NBEA: variants seen among roughly 807,000 people sequenced by gnomAD.
NBEA encodes the protein neurobeachin.
NBEA carries 44 observed loss-of-function variants against 343.4 expected under a neutral mutation model. The ratio of observed to expected loss-of-function variants is 0.13; its 90% CI spans 0.10 to 0.16. NBEA has a LOEUF of 0.16. NBEA is among the 10% of genes least tolerant of loss of function. The probability of loss-of-function intolerance (pLI) is 1.00; values close to 1 mark genes in which losing one functional copy is unlikely to be tolerated. For synonymous variants in NBEA, 1,175 were observed against 1,238.7 expected, an observed-to-expected ratio of 0.95 and a Z score of 1.08; for missense variants, 2,555 against 3,631.3, an observed-to-expected ratio of 0.70 and a Z score of 7.62.
chr13:35,648,806 AAG>A (rs1284492450), intron 51 of NBEA, among the ~76,000 whole-genome samples: 2 of 151,646 alleles, frequency 1.3e-5, no homozygotes, highest in African/African-American at 4.9e-5. Flanking sequence ...TAAAAACAGA[AAG>A]AAGAAAACAC....
chr13:34,960,412 CT>C (rs919364867), intron 1 of NBEA, among the ~76,000 whole-genome samples: 2 of 151,714 alleles, frequency 1.3e-5, no homozygotes, highest in East Asian at 1.9e-4. Flanking sequence ...AAGAAATAAA[CT>C]TTTTTTTGTA....
At chr13:35,108,667 T>C (rs959013685) in intron 11 of NBEA, among the ~76,000 whole-genome samples, 3 of 152,108 alleles carry the variant, frequency 2.0e-5, no homozygotes, top group Non-Finnish European at 4.4e-5. Flanking sequence ...GGCTTCTGGC[T>C]ACTGTATGAG....
At chr13:35,344,948 C>G (rs2039788918) in intron 36 of NBEA, among the ~76,000 whole-genome samples, 1 of 152,064 alleles carries the variant, frequency 6.6e-6, no homozygotes, top group Admixed American at 6.6e-5. Flanking sequence ...ACATGCCAAT[C>G]TCCCTTATGA....
At position 35,544,829 on chromosome 13, in the gene NBEA, A is replaced by G. The variant is rs555499021; in HGVS notation, c.6586-5648A>G. ...TCAAGATGCTTTAATATTCTTGCTT[A>G]TGATCTGTATGATGTATCAAAAATT... is the stretch of plus-strand genomic sequence containing the variant. On this transcript the variant is annotated intron_variant, in intron 41 of 58. Coordinates refer to ENST00000379939, the MANE Select transcript of NBEA (RefSeq NM_001385012.1). 2.0e-5 allele frequency among the ~76,000 whole-genome samples: 3 copies of G among 152,304 alleles called. No individual in the cohort carries two copies. The East Asian group carries it at 5.8e-4, about 29-fold the overall frequency.
chr13:35,432,407 C>T lies in NBEA; in HGVS notation c.6304+14C>T, dbSNP rs772792211. On this transcript the variant is annotated intron_variant, in intron 39 of 58. Coordinates refer to ENST00000379939, the MANE Select transcript of NBEA (RefSeq NM_001385012.1). ...CAATAGAATATGGTTAGTACCAATG[C>T]TTCTTCCACAAAAATACTTCTGGAT... The T allele has an allele frequency of 2.6e-5, 40 of 1,546,302 alleles. No homozygotes were observed. The highest frequency in any genetic ancestry group is 3.5e-5 in the Non-Finnish European group (40 of 1,143,412).
At chr13:35,469,196 A>T (rs1266246538) in intron 40 of NBEA, among the ~76,000 whole-genome samples, 1 of 151,966 alleles carries the variant, frequency 6.6e-6, no homozygotes, top group Admixed American at 6.6e-5. Context: ...TTTCATCAAG[A>T]TAATCTAAAC....
intron 36 of NBEA, among the ~76,000 whole-genome samples, chr13:35,344,203 TTA>T (rs2039746277): frequency 6.6e-6 from 1 of 152,048 alleles, no homozygotes; most frequent in Non-Finnish European, 1.5e-5. Flanking sequence ...TAAAAAGTAT[TTA>T]GACTAAACAA....
At chr13:35,626,622 C>T (rs949162872) in intron 48 of NBEA, among the ~76,000 whole-genome samples, 6 of 152,080 alleles carry the variant, frequency 3.9e-5, no homozygotes, top group Non-Finnish European at 8.8e-5. Flanking sequence ...TTTTTTAAAT[C>T]CCTTCATTTA....
At chr13:35,155,345 T>C (rs2069094532) in intron 18 of NBEA, among the ~76,000 whole-genome samples, 2 of 152,068 alleles carry the variant, frequency 1.3e-5, no homozygotes, top group Admixed American at 6.6e-5. Flanking sequence ...TCTTTAGGGC[T>C]GGGCATGGTG....
intron 37 of NBEA, 102 bp from the exon 38 acceptor site, chr13:35,352,055 T>TA: frequency 1.5e-6 from 1 of 645,874 alleles, no homozygotes; most frequent in East Asian, 3.5e-5. Flanking sequence ...ATTTGAGTTT[T>TA]AAAAAGTTGA....
At chr13:35,544,624 A>G (rs1474265684) in intron 41 of NBEA, among the ~76,000 whole-genome samples, 3 of 152,162 alleles carry the variant, frequency 2.0e-5, no homozygotes, top group Non-Finnish European at 2.9e-5. Flanking sequence ...CTTACTTTCT[A>G]TGTGCTTTCT....
chr13:35,227,567 A>G (rs948070850), intron 33 of NBEA, among the ~76,000 whole-genome samples: 5 of 152,048 alleles, frequency 3.3e-5, no homozygotes, highest in African/African-American at 1.2e-4. Context: ...TCTTTTAGGT[A>G]CAATACTTAA....
At chr13:35,037,309 C>T (rs1371160679) in intron 1 of NBEA, among the ~76,000 whole-genome samples, 1 of 152,124 alleles carries the variant, frequency 6.6e-6, no homozygotes, top group Non-Finnish European at 1.5e-5. Flanking sequence ...TCTGTGTTAT[C>T]TTGAATTTCT....
At chr13:35,109,645 G>A (rs1449846737) in intron 12 of NBEA, among the ~76,000 whole-genome samples, 1 of 152,056 alleles carries the variant, frequency 6.6e-6, no homozygotes, top group African/African-American at 2.4e-5. Flanking sequence ...AAGAATCTTT[G>A]TGTAACACTG....
chr13:35,478,221 A>G (rs1256925098), intron 41 of NBEA, among the ~76,000 whole-genome samples: 1 of 152,192 alleles, frequency 6.6e-6, no homozygotes, highest in African/African-American at 2.4e-5. Flanking sequence ...TCCTTATCCA[A>G]CAGTGATAGA....
chr13:35,494,913 G>A (rs192099798), intron 41 of NBEA, among the ~76,000 whole-genome samples: 2 of 151,924 alleles, frequency 1.3e-5, no homozygotes, highest in African/African-American at 2.4e-5. Flanking sequence ...AGGAGGCTTA[G>A]GTGGAAGGAT....
chr13:35,160,075 T>C (rs1393954788), intron 22 of NBEA, 43 bp downstream of exon 22: 4 of 1,459,720 alleles, frequency 2.7e-6, no homozygotes, highest in African/African-American at 1.4e-5. Context: ...TAAAAATGCA[T>C]TGAAGAGTTG....
At chr13:35,098,682 C>T (rs923164756) in intron 11 of NBEA, among the ~76,000 whole-genome samples, 32 of 152,054 alleles carry the variant, frequency 2.1e-4, no homozygotes, top group Non-Finnish European at 3.8e-4. Flanking sequence ...CTAAGTAGTA[C>T]CCCCTTTATT....
chr13:35,121,483 G>GTT lies in NBEA; in HGVS notation c.2244-1988_2244-1987dup, dbSNP rs111380752. Among the ~76,000 whole-genome samples the GTT allele has an allele frequency of 6.1e-3, 865 of 141,254 alleles. 7 individuals carry two copies. Among genetic ancestry groups the GTT allele is most frequent in the African/African-American group, 0.021 (806 of 38,668 alleles). 92.7% of individuals were successfully genotyped at this position (141,254 alleles called of 152,430 possible). On this transcript the variant is annotated intron_variant, in intron 16 of 58. Coordinates refer to ENST00000379939, the MANE Select transcript of NBEA (RefSeq NM_001385012.1). ...TTGCTTCTTATGATTTCTTGAATGT[G>GTT]TTTTTTTTTTTTGACATGTCTGACT... is the stretch of plus-strand genomic sequence containing the variant.
Sources: gnomAD v4.1 joint callset for allele counts (sites outside exome capture counted in the v4.1 genomes callset) on GRCh38, gnomAD v4.1.1 for gene constraint, MANE v1.5 for transcripts, NCBI Gene and HGNC (gene_info 2026-07-23, HGNC 2026-07-21) for gene names.